Variants in TNFRSF11B observed in about 807,000 individuals in gnomAD.
TNFRSF11B encodes TNF receptor superfamily member 11b.
TNFRSF11B carries 16 observed loss-of-function variants against 43.4 expected under a neutral mutation model. The ratio of observed to expected loss-of-function variants is 0.37; its 90% CI spans 0.25 to 0.56. The LOEUF (loss-of-function observed/expected upper bound fraction) is 0.56, where lower values mean the gene tolerates loss of function less well. TNFRSF11B is among the 20% of genes least tolerant of loss of function. The pLI, the probability that TNFRSF11B is intolerant of heterozygous loss-of-function variation, is 0.80. For missense variants in TNFRSF11B, 444 were observed against 490.1 expected (o/e 0.91, Z 0.89); for synonymous variants, 185 against 181.8 (o/e 1.02, Z -0.14).
At chr8:118,945,456 G>A (rs1435034825) in intron 1 of TNFRSF11B, among the ~76,000 whole-genome samples, 5 of 152,056 alleles carry the variant, frequency 3.3e-5, no homozygotes, top group Admixed American at 1.3e-4. Flanking sequence ...TTAACTAAGT[G>A]AAATATGAAA....
chr8:118,950,050 C>G (rs115253842), intron 1 of TNFRSF11B, among the ~76,000 whole-genome samples: 2,598 of 152,214 alleles, frequency 0.017, 64 homozygotes, highest in African/African-American at 0.059. Context: ...TTAGTATTAT[C>G]TACATGTTTG....
chr8:118,944,337 A>G (rs1057374187), intron 1 of TNFRSF11B, among the ~76,000 whole-genome samples: 1 of 152,116 alleles, frequency 6.6e-6, no homozygotes, highest in African/African-American at 2.4e-5. Flanking sequence ...AAAGGGAAAA[A>G]ACAAACAACT....
rs1563687794 is a variant in TNFRSF11B, at chr8:118,924,888, C to T, written c.818-126G>A. 3 of 1,205,404 alleles carry T rather than the reference C, an allele frequency of 2.5e-6. No individual in the cohort carries two copies. In the African/African-American group the frequency reaches 4.5e-5, roughly 18 times the overall value. The allele number at this position is 1,205,404 out of a possible 1,614,324, so 74.7% of individuals were successfully genotyped here. A position where few individuals can be genotyped will look rare whatever the true frequency, so the allele number is the denominator to read the frequency against. ...AATTATATTTCAATGATAACCTTTT[C>T]TTTTGAGAGGGAGTTAAGTGACACC... On this transcript the variant is annotated intron_variant, in intron 4 of 4. Coordinates refer to ENST00000297350, the MANE Select transcript of TNFRSF11B (RefSeq NM_002546.4).
chr8:118,944,174 C>T (rs986647697), intron 1 of TNFRSF11B, among the ~76,000 whole-genome samples: 2 of 152,152 alleles, frequency 1.3e-5, no homozygotes, highest in Non-Finnish European at 2.9e-5. Context: ...CTTCAACCAT[C>T]TAACTGGCTT....
At chr8:118,944,262 G>C (rs767140234) in intron 1 of TNFRSF11B, among the ~76,000 whole-genome samples, 2 of 152,102 alleles carry the variant, frequency 1.3e-5, no homozygotes, top group Non-Finnish European at 2.9e-5. Context: ...ATTGTCCTCT[G>C]TCCGGGACCT....
chr8:118,927,658 A>T (rs1382587257), intron 3 of TNFRSF11B, among the ~76,000 whole-genome samples: 1 of 151,406 alleles, frequency 6.6e-6, no homozygotes, highest in African/African-American at 2.4e-5. Context: ...TCTCATATAT[A>T]TATCAATTCA....
chr8:118,941,045 A>G (rs1812477467), intron 1 of TNFRSF11B, among the ~76,000 whole-genome samples: 1 of 152,334 alleles, frequency 6.6e-6, no homozygotes, highest in Non-Finnish European at 1.5e-5. Context: ...CACCATGTAA[A>G]GGATACATTT....
intron 2 of TNFRSF11B, among the ~76,000 whole-genome samples, chr8:118,932,507 C>T (rs187837674): frequency 1.3e-5 from 2 of 152,190 alleles, no homozygotes; most frequent in Admixed American, 1.3e-4. Context: ...GTTAGCACTC[C>T]AGAGTCTCAT....
chr8:118,941,663 GCTT>G (rs1053972055), intron 1 of TNFRSF11B, among the ~76,000 whole-genome samples: 3 of 151,876 alleles, frequency 2.0e-5, no homozygotes, highest in Admixed American at 6.6e-5. Flanking sequence ...GATGTTTTTT[GCTT>G]CTTCAGGGGA....
chr8:118,945,091 AT>A (rs1812537573), intron 1 of TNFRSF11B, among the ~76,000 whole-genome samples: 1 of 152,168 alleles, frequency 6.6e-6, no homozygotes, highest in African/African-American at 2.4e-5. Flanking sequence ...GGTAGGTAAC[AT>A]TTCAAAAGCT....
chr8:118,945,384 A>G (rs1451036946), intron 1 of TNFRSF11B, among the ~76,000 whole-genome samples: 2 of 152,058 alleles, frequency 1.3e-5, no homozygotes, highest in Non-Finnish European at 2.9e-5. Flanking sequence ...AGACCCATAG[A>G]AATGGTGTCA....
Position 118,932,991 on chromosome 8 carries a change from C to T in TNFRSF11B, c.340G>A (p.Glu114Lys). 6.2e-7 allele frequency: 1 copy of T among 1,614,180 alleles called. No individual in the cohort carries two copies. Among genetic ancestry groups the T allele is most frequent in the Non-Finnish European group, 8.5e-7 (1 of 1,180,028 alleles). The part of the protein sequence containing the change: ...VCECKEGRYL[E>K]IEFCLKHRSC... The stretch of plus-strand genomic sequence containing the variant: ...CTATGTTTCAAGCAGAACTCTATCT[C>T]AAGGTAGCGCCCTTCCTTGCATTCG... The change falls in exon 2 of 5, where the codon GAG becomes AAG. Residue 114 changes from glutamate (E) to lysine (K), a missense_variant. Physicochemically the swap from Glu to Lys is moderately conservative, Grantham distance 56. Transcript: ENST00000297350.
intron 1 of TNFRSF11B, among the ~76,000 whole-genome samples, chr8:118,946,965 T>C (rs774649390): frequency 5.9e-5 from 9 of 152,170 alleles, no homozygotes; most frequent in Admixed American, 1.3e-4. Flanking sequence ...ACTCAGTAGA[T>C]AGCACACAGT....
At chr8:118,928,308 C>T (rs1473942084) in intron 3 of TNFRSF11B, among the ~76,000 whole-genome samples, 1 of 152,186 alleles carries the variant, frequency 6.6e-6, no homozygotes, top group African/African-American at 2.4e-5. Flanking sequence ...AGGAGTAAGC[C>T]ACCATGCCTG....
intron 1 of TNFRSF11B, among the ~76,000 whole-genome samples, chr8:118,949,232 A>G (rs886234314): frequency 2.0e-5 from 3 of 151,914 alleles, no homozygotes; most frequent in Admixed American, 6.6e-5. Flanking sequence ...TTGCTACACA[A>G]TCTTGCCTTC....
intron 1 of TNFRSF11B, among the ~76,000 whole-genome samples, chr8:118,949,582 C>T (rs756294416): frequency 2.3e-4 from 35 of 152,214 alleles, no homozygotes; most frequent in Non-Finnish European, 4.1e-4. Context: ...GATTTTTGGT[C>T]CACATGATAA....
At position 118,944,467 on chromosome 8, in the gene TNFRSF11B, G is replaced by A. The variant is rs147249713; in HGVS notation, c.30+7325C>T. Among the ~76,000 whole-genome samples the A allele has an allele frequency of 2.3e-3, 350 of 152,212 alleles. 1 individual carries two copies. The highest frequency in any genetic ancestry group is 8.0e-3 in the African/African-American group (334 of 41,528). ...TTCTCCCCGACCCCATCCTCACCAG[G>A]AGGCTAGGATACACAATCCCACCAA... is the stretch of plus-strand genomic sequence containing the variant. On this transcript the variant is annotated intron_variant, in intron 1 of 4. Coordinates refer to ENST00000297350, the MANE Select transcript of TNFRSF11B (RefSeq NM_002546.4).
At chr8:118,928,577 A>G (rs1812278925) in intron 3 of TNFRSF11B, among the ~76,000 whole-genome samples, 161 bp downstream of exon 3, 2 of 152,338 alleles carry the variant, frequency 1.3e-5, no homozygotes, top group South Asian at 2.1e-4. Flanking sequence ...TCTGAGTGGT[A>G]GCTTTAGCAG....
rs140374522 is a variant in TNFRSF11B at position 118,951,246 on chromosome 8, G to A, written c.30+546C>T. On this transcript the variant is annotated intron_variant, in intron 1 of 4. Coordinates refer to ENST00000297350, the MANE Select transcript of TNFRSF11B (RefSeq NM_002546.4). ...TAAAATTTTATTAAAACATTACACA[G>A]TTAAGAAGTGTGTGTGTGAGAGATC... Among the ~76,000 whole-genome samples, 1,061 of 152,254 alleles carry A rather than the reference G, an allele frequency of 7.0e-3. 9 individuals carry two copies. The highest frequency in any genetic ancestry group is 0.024 in the African/African-American group (1,003 of 41,544).
Sources: allele counts gnomAD v4.1 joint callset (sites outside exome capture counted in the v4.1 genomes callset), GRCh38; gene constraint gnomAD v4.1.1; transcripts MANE v1.5; gene names NCBI Gene and HGNC (gene_info 2026-07-23, HGNC 2026-07-21).